The following RASA1 variants were observed in gnomAD, a reference collection of about 807,000 sequenced individuals.
RASA1 encodes RAS p21 protein activator 1.
RASA1 carries 25 observed loss-of-function variants against 132.2 expected under a neutral mutation model. The observed-to-expected ratio is 0.19, with a 90% CI of 0.14 to 0.26. RASA1 has a LOEUF of 0.26. RASA1 is among the 10% of genes least tolerant of loss of function. The pLI is 1.00. For synonymous variants in RASA1, 477 were observed against 449.9 expected, an observed-to-expected ratio of 1.06 and a Z score of -0.76; for missense variants, 964 against 1,299.2, an observed-to-expected ratio of 0.74 and a Z score of 3.97.
intron 1 of RASA1, among the ~76,000 whole-genome samples, chr5:87,320,856 G>T (rs768140128): frequency 1.3e-5 from 2 of 152,232 alleles, no homozygotes; most frequent in African/African-American, 4.8e-5. Flanking sequence ...ATTGTGAAAA[G>T]ACAAGGTGAA....
At chr5:87,320,951 A>G (rs1580254404) in intron 1 of RASA1, among the ~76,000 whole-genome samples, 1 of 152,200 alleles carries the variant, frequency 6.6e-6, no homozygotes. Flanking sequence ...TTTGAATGCC[A>G]TGGTGAATAG....
intron 1 of RASA1, among the ~76,000 whole-genome samples, chr5:87,316,696 G>A (rs896842247): frequency 3.3e-5 from 5 of 152,148 alleles, no homozygotes; most frequent in African/African-American, 7.2e-5. Context: ...TGTTTTGGGG[G>A]AACTTCCTGC....
intron 24 of RASA1, among the ~76,000 whole-genome samples, chr5:87,390,476 G>C (rs539361390): frequency 3.7e-4 from 56 of 151,120 alleles, no homozygotes; most frequent in African/African-American, 1.3e-3. Context: ...ACTTGCCTTA[G>C]ATATTAAATA....
In RASA1 at chr5:87,277,202, G is replaced by A. The variant is rs531243957; in HGVS notation, c.539+8212G>A. ...ATGTAAATACTATGCTTTTTATTTTGTCTTGCCCCTTTCCATTACGTAGAA... is the reference window on the plus strand; with the variant it reads ...ATGTAAATACTATGCTTTTTATTTTATCTTGCCCCTTTCCATTACGTAGAA... On this transcript the variant is annotated intron_variant, in intron 1 of 24. Transcript: ENST00000274376. Among the ~76,000 whole-genome samples, 177 of 152,208 alleles carry A rather than the reference G, an allele frequency of 1.2e-3. 1 individual carries two copies. The highest frequency in any genetic ancestry group is 2.1e-3 in the Non-Finnish European group (146 of 67,996).
intron 13 of RASA1, among the ~76,000 whole-genome samples, chr5:87,372,888 A>G (rs1180696082): frequency 6.6e-6 from 1 of 152,190 alleles, no homozygotes; most frequent in Non-Finnish European, 1.5e-5. Context: ...AGTGATTAAC[A>G]TACTGTTCTA....
chr5:87,349,254 T>C lies in RASA1; in HGVS notation c.1143T>C (p.Asn381=). The part of the protein sequence containing the change: ...VCSFLVRPSD[N]TPGDYSLYFR... Reference sequence around the variant, plus strand: ...GTTTTCTTGTGAGGCCCTCAGATAATACTCCTGGCGATTATTCACTTTATT... The same window carrying C: ...GTTTTCTTGTGAGGCCCTCAGATAACACTCCTGGCGATTATTCACTTTATT... The change falls in exon 8 of 25, where the codon AAT becomes AAC. Residue 381 remains asparagine, a synonymous_variant. Coordinates refer to ENST00000274376, the MANE Select transcript of RASA1 (RefSeq NM_002890.3). 6.2e-7 allele frequency: 1 copy of C among 1,612,152 alleles called. No individual in the cohort carries two copies. Among genetic ancestry groups the C allele is most frequent in the Non-Finnish European group, 8.5e-7 (1 of 1,178,702 alleles).
chr5:87,378,624 AAT>A, intron 18 of RASA1, 86 bp downstream of exon 18: 19 of 1,342,452 alleles, frequency 1.4e-5, no homozygotes, highest in Non-Finnish European at 1.9e-5. Flanking sequence ...TTTTAAGGAA[AAT>A]ATATTAAATT....
intron 9 of RASA1, among the ~76,000 whole-genome samples, chr5:87,358,999 C>T (rs181115300): frequency 1.3e-5 from 2 of 152,254 alleles, no homozygotes; most frequent in East Asian, 1.9e-4. Flanking sequence ...CTCAACCCTG[C>T]GGAGCACTTA....
At chr5:87,305,607 A>G (rs1755571263) in intron 1 of RASA1, among the ~76,000 whole-genome samples, 2 of 152,230 alleles carry the variant, frequency 1.3e-5, no homozygotes, top group South Asian at 2.1e-4. Flanking sequence ...GGCAAAAGCA[A>G]TTGCAACAAA....
intron 1 of RASA1, among the ~76,000 whole-genome samples, chr5:87,285,798 TA>T (rs1409200575): frequency 2.0e-5 from 3 of 151,748 alleles, no homozygotes; most frequent in African/African-American, 4.8e-5. Context: ...TTTGTATTTT[TA>T]ATAGAGATGG....
chr5:87,326,081 C>T (rs145021750), intron 1 of RASA1, among the ~76,000 whole-genome samples: 20 of 152,202 alleles, frequency 1.3e-4, no homozygotes, highest in Admixed American at 5.9e-4. Flanking sequence ...AAGCTATCCT[C>T]CCATCTCAGC....
At chr5:87,313,636 TTTTAC>T (rs1756092160) in intron 1 of RASA1, among the ~76,000 whole-genome samples, 1 of 152,160 alleles carries the variant, frequency 6.6e-6, no homozygotes, top group Admixed American at 6.5e-5. Flanking sequence ...ACAAGTAACT[TTTTAC>T]TTTAATGGAG....
At chr5:87,331,226 A>G (rs775396894) in intron 1 of RASA1, 122 bp from the exon 2 acceptor site, 4 of 1,119,662 alleles carry the variant, frequency 3.6e-6, no homozygotes. Context: ...GGTTCAGAGT[A>G]AAATGTAAAT....
intron 1 of RASA1, among the ~76,000 whole-genome samples, chr5:87,273,358 A>G (rs534352999): frequency 5.3e-5 from 8 of 152,336 alleles, no homozygotes; most frequent in Admixed American, 1.3e-4. Context: ...TTTCTCTACT[A>G]TAAAAGTTTC....
At chr5:87,385,061 T>C (rs902703617) in intron 21 of RASA1, among the ~76,000 whole-genome samples, 8 of 152,114 alleles carry the variant, frequency 5.3e-5, no homozygotes, top group Non-Finnish European at 8.8e-5. Context: ...GTAGTACCCT[T>C]TTCGCAAGCC....
chr5:87,387,362 A>C (rs577699796), intron 23 of RASA1, among the ~76,000 whole-genome samples: 9 of 152,286 alleles, frequency 5.9e-5, no homozygotes, highest in African/African-American at 2.2e-4. Flanking sequence ...CACTTCATTC[A>C]GTGTGAATAT....
At chr5:87,316,119 G>A (rs1425478965) in intron 1 of RASA1, among the ~76,000 whole-genome samples, 1 of 152,162 alleles carries the variant, frequency 6.6e-6, no homozygotes, top group Non-Finnish European at 1.5e-5. Context: ...AATGCTCTGA[G>A]ACCAGATCTG....
intron 1 of RASA1, among the ~76,000 whole-genome samples, chr5:87,300,437 G>A (rs1755312091): frequency 6.6e-6 from 1 of 152,012 alleles, no homozygotes; most frequent in Non-Finnish European, 1.5e-5. Context: ...GGCTGAGGTG[G>A]GAGAACTGCT....
chr5:87,286,453 T>C (rs1476905770), intron 1 of RASA1, among the ~76,000 whole-genome samples: 1 of 151,984 alleles, frequency 6.6e-6, no homozygotes, highest in Non-Finnish European at 1.5e-5. Context: ...AAGAAATTCC[T>C]GATACATTAT....
Sources: gnomAD v4.1 joint callset for allele counts (sites outside exome capture counted in the v4.1 genomes callset) on GRCh38, gnomAD v4.1.1 for gene constraint, MANE v1.5 for transcripts, NCBI Gene and HGNC (gene_info 2026-07-23, HGNC 2026-07-21) for gene names.